Variants in ZNF420 observed in about 807,000 individuals in gnomAD.
ZNF420 encodes zinc finger protein 420.
Under a neutral mutation model 44.7 loss-of-function variants are expected in ZNF420, and 31 were observed. The ratio of observed to expected loss-of-function variants is 0.69; its 90% confidence interval spans 0.52 to 0.94. ZNF420 has a LOEUF of 0.94. Among genes scored for constraint, ZNF420 ranks in the 40% least tolerant of loss-of-function variants. The probability of loss-of-function intolerance (pLI) is 0.00; values close to 1 mark genes in which losing one functional copy is unlikely to be tolerated. For synonymous variants in ZNF420, 245 were observed against 267.4 expected (o/e 0.92, Z 0.82); for missense variants, 681 against 827.9 (o/e 0.82, Z 2.18).
intron 2 of ZNF420, among the ~76,000 whole-genome samples, chr19:37,085,147 G>T (rs1220005477): frequency 3.3e-5 from 5 of 152,094 alleles, no homozygotes; most frequent in African/African-American, 4.8e-5. Context: ...CACAGAATCT[G>T]ATAAGTGTGT....
chr19:37,019,724 A>C (rs936815701), intron 1 of ZNF420, among the ~76,000 whole-genome samples: 5 of 151,614 alleles, frequency 3.3e-5, no homozygotes. Context: ...CCAAGATTTG[A>C]CCACTGCACT....
chr19:37,099,174 T>C (rs1969623469), intron 4 of ZNF420, among the ~76,000 whole-genome samples: 1 of 152,190 alleles, frequency 6.6e-6, no homozygotes, highest in Admixed American at 6.5e-5. Context: ...ACATACTGAT[T>C]TCCTTTCCTT....
intron 1 of ZNF420, among the ~76,000 whole-genome samples, chr19:37,034,983 T>A (rs1286469068): frequency 6.6e-6 from 1 of 152,222 alleles, no homozygotes; most frequent in African/African-American, 2.4e-5. Flanking sequence ...AGAACCCTGG[T>A]GAGGAAGACC....
At chr19:37,072,193 A>C (rs1968069838) in intron 1 of ZNF420, among the ~76,000 whole-genome samples, 1 of 152,202 alleles carries the variant, frequency 6.6e-6, no homozygotes, top group Admixed American at 6.5e-5. Flanking sequence ...CTGATAAGGA[A>C]ATTATAATGG....
intron 1 of ZNF420, among the ~76,000 whole-genome samples, chr19:37,020,829 A>G (rs1476834270): frequency 6.6e-6 from 1 of 152,194 alleles, no homozygotes; most frequent in Non-Finnish European, 1.5e-5. Flanking sequence ...TGAGGTACTT[A>G]CAACAGTCAA....
rs1968987023 is a variant in ZNF420 at position 37,089,054 on chromosome 19, ACT to A, written c.-62_-61del. ...TCCTCCGTAGCTCTGCATTCTCCAG[ACT>A]CTGTGCTTTCCTAAGATAGGAACCC... On this transcript the variant is annotated 5_prime_UTR_variant, in exon 3 of 5. The change creates a premature stop within an existing upstream ORF in the 5' untranslated region. Transcript: ENST00000337995. 3 of 1,489,994 alleles carry A rather than the reference ACT, an allele frequency of 2.0e-6. No individual in the cohort carries two copies. The highest frequency in any genetic ancestry group is 2.8e-6 in the Non-Finnish European group (3 of 1,066,966). 92.3% of individuals were successfully genotyped at this position (1,489,994 alleles called of 1,614,324 possible).
At position 37,038,146 on chromosome 19, in the gene ZNF420, G is replaced by T. The variant is rs188748640; in HGVS notation, c.-125+30064G>T. 4.6e-5 allele frequency among the ~76,000 whole-genome samples: 7 copies of T among 151,930 alleles called. No individual in the cohort carries two copies. The East Asian group carries it at 1.2e-3, about 25-fold the overall frequency. ...CTCCGTCTCAAAAAAAAAAAAAGTT[G>T]TGTTTACACTATTGTAGTCAATTAA... On this transcript the variant is annotated intron_variant, in intron 1 of 4. Transcript: ENST00000587029.
chr19:37,045,128 C>T (rs1036598381), intron 1 of ZNF420, among the ~76,000 whole-genome samples: 2 of 152,108 alleles, frequency 1.3e-5, no homozygotes, highest in Non-Finnish European at 2.9e-5. Flanking sequence ...GTTTGCTTCA[C>T]CATATTTTGA....
At chr19:37,116,268 C>G (rs1052454188) in intron 4 of ZNF420, among the ~76,000 whole-genome samples, 2 of 149,668 alleles carry the variant, frequency 1.3e-5, no homozygotes, top group Non-Finnish European at 3.0e-5. Context: ...TACCTTGGAG[C>G]TGAGGCAAGA....
intron 4 of ZNF420, among the ~76,000 whole-genome samples, chr19:37,108,608 C>T (rs1156935716): frequency 6.6e-6 from 1 of 152,160 alleles, no homozygotes; most frequent in Non-Finnish European, 1.5e-5. Context: ...AATTCTAATG[C>T]GGTATGAGGC....
At chr19:37,096,378 T>A (rs913796254) in intron 4 of ZNF420, among the ~76,000 whole-genome samples, 1 of 152,226 alleles carries the variant, frequency 6.6e-6, no homozygotes, top group Non-Finnish European at 1.5e-5. Context: ...TGTGTAATGA[T>A]GAATTATCCA....
intron 4 of ZNF420, among the ~76,000 whole-genome samples, chr19:37,108,107 TGAATTCCACCATCTTGTA>T (rs1360939439): frequency 1.3e-5 from 2 of 152,228 alleles, no homozygotes; most frequent in African/African-American, 4.8e-5. Context: ...TACCAGATTG[TGAATTCCACCATCTTGTA>T]GAATTCTTTT....
At chr19:37,111,218 A>G (rs1174663787) in intron 4 of ZNF420, among the ~76,000 whole-genome samples, 4 of 102,304 alleles carry the variant, frequency 3.9e-5, no homozygotes, top group African/African-American at 2.0e-4. Flanking sequence ...GATCTATTCT[A>G]TTTATTGCAC....
At chr19:37,094,370 T>C (rs1215883137) in intron 4 of ZNF420, among the ~76,000 whole-genome samples, 1 of 152,226 alleles carries the variant, frequency 6.6e-6, no homozygotes, top group African/African-American at 2.4e-5. Flanking sequence ...CCTTGTTTTG[T>C]TTGGAAAACG....
intron 1 of ZNF420, among the ~76,000 whole-genome samples, chr19:37,030,396 C>T (rs1421443420): frequency 1.3e-5 from 2 of 152,156 alleles, no homozygotes; most frequent in Non-Finnish European, 2.9e-5. Flanking sequence ...CTTCTGACCT[C>T]CTGATCCTCC....
At chr19:37,048,790 A>G (rs1284332606) in intron 1 of ZNF420, among the ~76,000 whole-genome samples, 2 of 152,086 alleles carry the variant, frequency 1.3e-5, no homozygotes, top group African/African-American at 2.4e-5. Context: ...ATATGTATAC[A>G]TGTGCCATGT....
rs754877252 is a variant in ZNF420, at chr19:37,128,391, G to A, written c.1400G>A (p.Arg467Gln). 9.9e-6 allele frequency: 16 copies of A among 1,614,040 alleles called. No individual in the cohort carries two copies. Among genetic ancestry groups the A allele is most frequent in the Admixed American group, 6.7e-5 (4 of 60,022 alleles). The stretch of plus-strand genomic sequence containing the variant: ...GGCTCAGAACTTACTCAACATGAGC[G>A]AATTCACACAGGTGAGAAACCCTAT... ...SRGSELTQHERIHTGEKPYEC... is the reference protein window; with the variant it reads ...SRGSELTQHEQIHTGEKPYEC... The change falls in exon 5 of 5, where the codon CGA becomes CAA. Residue 467 changes from arginine (R) to glutamine (Q), a missense_variant. Physicochemically the swap from Arg to Gln is conservative, Grantham distance 43. This residue lies in a region of ZNF420 where 280 missense variants were observed against 338.6 expected (regional missense o/e 0.83). Coordinates refer to ENST00000337995, the MANE Select transcript of ZNF420 (RefSeq NM_144689.5).
chr19:37,107,134 C>A (rs149759632), intron 4 of ZNF420: 263 of 152,334 alleles, frequency 1.7e-3, no homozygotes, highest in Non-Finnish European at 3.3e-3. Flanking sequence ...AAGAGGCCTT[C>A]CTCTTTTACT....
chr19:37,130,099 A>AT lies in ZNF420; in HGVS notation c.*1046dup, dbSNP rs1449998149. 4.8e-5 allele frequency: 74 copies of AT among 1,550,248 alleles called. No homozygotes were observed. The highest frequency in any genetic ancestry group is 6.3e-5 in the Non-Finnish European group (72 of 1,146,924). ...TATGAGTAGGAGATTTACGAAATCC[A>AT]TTTTTCCTGTCTTTTTTTCCGTGCC... is the stretch of plus-strand genomic sequence containing the variant. On this transcript the variant is annotated 3_prime_UTR_variant, in exon 5 of 5. Transcript: ENST00000337995.
Sources: allele counts gnomAD v4.1 joint callset (sites outside exome capture counted in the v4.1 genomes callset), GRCh38; gene constraint gnomAD v4.1.1; regional missense constraint gnomAD v4.1.1; transcripts MANE v1.5; gene names NCBI Gene and HGNC (gene_info 2026-07-23, HGNC 2026-07-21).